RAB33B: variants seen among roughly 807,000 people sequenced by gnomAD.
RAB33B encodes RAB33B, member RAS oncogene family.
In RAB33B, 6 loss-of-function variants were observed where a neutral mutation model predicts 15.0. The observed-to-expected ratio is 0.40, with a 90% CI of 0.22 to 0.79. The LOEUF is 0.79. Among genes scored for constraint, RAB33B ranks in the 30% least tolerant of loss-of-function variants. The pLI is 0.37. For synonymous variants in RAB33B, 117 were observed against 108.3 expected (o/e 1.08, Z -0.50); for missense variants, 257 against 296.4 (o/e 0.87, Z 0.98).
At chr4:139,441,206 G>A in the RAB33B span, among the ~76,000 whole-genome samples, 14 of 152,270 alleles carry the variant, frequency 9.2e-5, no homozygotes, top group East Asian at 2.3e-3. Context: ...TAAAGGTTAC[G>A]CTTAAAACAA....
chr4:139,438,725 G>GTT, the RAB33B span, among the ~76,000 whole-genome samples: 17 of 152,124 alleles, frequency 1.1e-4, no homozygotes, highest in Admixed American at 6.6e-4. Flanking sequence ...CTAATCATTG[G>GTT]TTTTTGTTAA....
At chr4:139,461,851 C>T (rs959947049) in intron 1 of RAB33B, among the ~76,000 whole-genome samples, 8 of 151,776 alleles carry the variant, frequency 5.3e-5, no homozygotes, top group Non-Finnish European at 1.5e-5. Context: ...TTGCAATGAG[C>T]TGACTTCGTG....
At chr4:139,467,150 G>A (rs919435244) in intron 1 of RAB33B, among the ~76,000 whole-genome samples, 8 of 149,838 alleles carry the variant, frequency 5.3e-5, no homozygotes, top group Admixed American at 2.7e-4. Context: ...TGTATTATTA[G>A]TAGAGATGGG....
At chr4:139,456,637 A>G (rs561701035) in intron 1 of RAB33B, among the ~76,000 whole-genome samples, 8 of 152,354 alleles carry the variant, frequency 5.3e-5, no homozygotes, top group African/African-American at 1.9e-4. Context: ...CTAACTTGTT[A>G]CATTGATATG....
At chr4:139,447,445 A>G in the RAB33B span, among the ~76,000 whole-genome samples, 2 of 152,118 alleles carry the variant, frequency 1.3e-5, no homozygotes, top group Admixed American at 6.5e-5. Context: ...TCCTGTTCCC[A>G]TGACATTACG....
At position 139,475,356 on chromosome 4, in the gene RAB33B, A is replaced by G. The variant is rs1177868879; in HGVS notation, c.*2230A>G. On this transcript the variant is annotated 3_prime_UTR_variant, in exon 2 of 2. Transcript: ENST00000305626. The stretch of plus-strand genomic sequence containing the variant: ...TATTATTATGGTTTTAAAAAGAGTA[A>G]CTTTATTTCTTTTTGTAAGGAATTA... 1 of 151,978 alleles carries G rather than the reference A, an allele frequency of 6.6e-6. No homozygotes were observed. The highest frequency in any genetic ancestry group is 2.4e-5 in the African/African-American group (1 of 41,430). The allele number at this position is 151,978 out of a possible 1,614,324, so 9.4% of individuals were successfully genotyped here. A position where few individuals can be genotyped will look rare whatever the true frequency, so the allele number is the denominator to read the frequency against.
intron 1 of RAB33B, among the ~76,000 whole-genome samples, chr4:139,462,898 AGG>A (rs1561004697): frequency 6.6e-6 from 1 of 152,224 alleles, no homozygotes; most frequent in Non-Finnish European, 1.5e-5. Flanking sequence ...AATTTGGGCC[AGG>A]TGCCATGGCT....
chr4:139,446,614 T>A, the RAB33B span, among the ~76,000 whole-genome samples: 1 of 152,252 alleles, frequency 6.6e-6, no homozygotes, highest in Non-Finnish European at 1.5e-5. Flanking sequence ...GTATCCCATG[T>A]GAGTGCTCAC....
intron 1 of RAB33B, among the ~76,000 whole-genome samples, chr4:139,464,402 T>TTTG (rs1554004095): frequency 1.2e-4 from 18 of 148,710 alleles, no homozygotes; most frequent in Non-Finnish European, 2.7e-4. Context: ...TTTTTTTTTT[T>TTTG]TTTTTTTTTT....
At chr4:139,448,184 C>G in the RAB33B span, among the ~76,000 whole-genome samples, 1 of 152,146 alleles carries the variant, frequency 6.6e-6, no homozygotes, top group Non-Finnish European at 1.5e-5. Flanking sequence ...CCAGAAAGGA[C>G]TACAAATGGT....
intron 1 of RAB33B, among the ~76,000 whole-genome samples, chr4:139,458,141 G>A (rs1750105822): frequency 6.6e-6 from 1 of 152,098 alleles, no homozygotes; most frequent in African/African-American, 2.4e-5. Flanking sequence ...ATGTTATAAA[G>A]TTCCAGCTGG....
At chr4:139,454,501 G>A (rs2111067810) in intron 1 of RAB33B, 57 bp downstream of exon 1, 2 of 1,567,534 alleles carry the variant, frequency 1.3e-6, no homozygotes, top group South Asian at 2.3e-5. Flanking sequence ...CAACCCCACC[G>A]TGGGCTGGTC....
chr4:139,465,722 CT>C lies in RAB33B; in HGVS notation c.250-6948del, dbSNP rs375295002. ...TCTTAGGATTAAACTTCTTCTTCTT[CT>C]TTTTTTTTTTTTTTTGTTTTTTTGG... On this transcript the variant is annotated intron_variant, in intron 1 of 1. Transcript: ENST00000305626. Among the ~76,000 whole-genome samples the C allele has an allele frequency of 7.2e-3, 959 of 133,136 alleles. 5 individuals are homozygous for C. Among genetic ancestry groups the C allele is most frequent in the African/African-American group, 0.021 (731 of 34,430 alleles). The allele number at this position is 133,136 out of a possible 152,430, so 87.3% of individuals were successfully genotyped here.
chr4:139,455,346 G>A (rs1438420057), intron 1 of RAB33B, among the ~76,000 whole-genome samples: 1 of 152,164 alleles, frequency 6.6e-6, no homozygotes, highest in Non-Finnish European at 1.5e-5. Flanking sequence ...GAACCACCTT[G>A]CCTTATACTA....
chr4:139,454,951 C>T (rs1750036030), intron 1 of RAB33B, among the ~76,000 whole-genome samples: 1 of 152,212 alleles, frequency 6.6e-6, no homozygotes, highest in Non-Finnish European at 1.5e-5. Flanking sequence ...TATTCTCTTG[C>T]ATACAGTTTT....
At chr4:139,472,053 T>C (rs895315111) in intron 1 of RAB33B, among the ~76,000 whole-genome samples, 1 of 152,232 alleles carries the variant, frequency 6.6e-6, no homozygotes, top group Non-Finnish European at 1.5e-5. Flanking sequence ...TTCTGTTCCA[T>C]TGATTTCTGT....
rs369369672 is a variant in RAB33B, at chr4:139,469,745, C to T, written c.250-2941C>T. 5.3e-5 allele frequency among the ~76,000 whole-genome samples: 8 copies of T among 152,302 alleles called. No homozygotes were observed. The South Asian group carries it at 1.7e-3, about 32-fold the overall frequency. On this transcript the variant is annotated intron_variant, in intron 1 of 1. Transcript: ENST00000305626. ...AGTAACACTGTGGTTCTTGCAGACT[C>T]GTAGAGTTACCACCTTGATGGTTTT...
chr4:139,444,477 C>T, the RAB33B span, among the ~76,000 whole-genome samples: 2 of 152,154 alleles, frequency 1.3e-5, no homozygotes, highest in East Asian at 3.9e-4. Context: ...GCTATATTAC[C>T]GACAATTTAT....
chr4:139,443,261 C>T, the RAB33B span, among the ~76,000 whole-genome samples: 3 of 152,086 alleles, frequency 2.0e-5, no homozygotes, highest in Non-Finnish European at 2.9e-5. Context: ...CAAAGTGCTG[C>T]GATTACAGGC....
Sources: allele counts gnomAD v4.1 joint callset (sites outside exome capture counted in the v4.1 genomes callset), GRCh38; gene constraint gnomAD v4.1.1; transcripts MANE v1.5; gene names NCBI Gene and HGNC (gene_info 2026-07-23, HGNC 2026-07-21).